LRP1B: variants seen among roughly 807,000 people sequenced by gnomAD.
LRP1B encodes low-density lipoprotein receptor-related protein 1B.
Under a neutral mutation model 556.6 loss-of-function variants are expected in LRP1B, and 217 were observed. The ratio of observed to expected loss-of-function variants is 0.39; its 90% CI spans 0.35 to 0.44. The LOEUF is 0.44. Among genes scored for constraint, LRP1B ranks in the 20% least tolerant of loss-of-function variants. The pLI is 1.00. For synonymous variants in LRP1B, 2,047 were observed against 1,865.8 expected, an observed-to-expected ratio of 1.10 and a Z score of -2.50; for missense variants, 5,053 against 5,620.8, an observed-to-expected ratio of 0.90 and a Z score of 3.23.
At chr2:141,279,860 T>C (rs1361127027) in intron 3 of LRP1B, among the ~76,000 whole-genome samples, 2 of 152,048 alleles carry the variant, frequency 1.3e-5, no homozygotes, top group African/African-American at 2.4e-5. Context: ...TCAAACATGT[T>C]GGTGAAGATA....
At chr2:140,638,102 G>T (rs1684134428) in intron 41 of LRP1B, among the ~76,000 whole-genome samples, 1 of 152,144 alleles carries the variant, frequency 6.6e-6, no homozygotes, top group African/African-American at 2.4e-5. Flanking sequence ...GCTAGTAGTG[G>T]ATATTCTTGA....
At chr2:142,082,884 G>A (rs1341875297) in intron 1 of LRP1B, among the ~76,000 whole-genome samples, 3 of 152,092 alleles carry the variant, frequency 2.0e-5, no homozygotes, top group Non-Finnish European at 4.4e-5. Context: ...TTTTGGATGG[G>A]CTTTTTTTTG....
At chr2:140,878,631 T>A (rs575180448) in intron 25 of LRP1B, among the ~76,000 whole-genome samples, 2 of 152,144 alleles carry the variant, frequency 1.3e-5, no homozygotes, top group African/African-American at 4.8e-5. Context: ...AATATTTAAA[T>A]AGAAAGAACA....
At chr2:142,041,608 A>T (rs974800963) in intron 1 of LRP1B, among the ~76,000 whole-genome samples, 1 of 151,468 alleles carries the variant, frequency 6.6e-6, no homozygotes, top group Non-Finnish European at 1.5e-5. Flanking sequence ...GTTATTTTTC[A>T]AGCACATATT....
At chr2:141,776,311 C>G (rs1179247493) in intron 2 of LRP1B, among the ~76,000 whole-genome samples, 3 of 152,134 alleles carry the variant, frequency 2.0e-5, no homozygotes, top group African/African-American at 4.8e-5. Flanking sequence ...TGAAGATGGG[C>G]AATTAACTTG....
At position 140,601,548 on chromosome 2, in the gene LRP1B, A is replaced by G. The variant is rs372628878; in HGVS notation, c.6891T>C (p.Thr2297=). 1.1e-4 allele frequency: 175 copies of G among 1,613,234 alleles called. No homozygotes were observed. In the Middle Eastern group the frequency reaches 3.3e-3, roughly 30 times the overall value. Residue 2297 remains threonine (T), a synonymous_variant, in exon 42 of 91, where the codon ACT becomes ACC. Transcript: ENST00000389484. ...ATGCTCCAGGCCGAGTCTGGTCCACAGTGTGTCTGGTGATGGATGAGGTGG... is the reference window on the plus strand; with the variant it reads ...ATGCTCCAGGCCGAGTCTGGTCCACGGTGTGTCTGGTGATGGATGAGGTGG... ...SSTTSSITRH[T]VDQTRPGAFD...
chr2:141,128,755 G>A (rs1191297664), intron 7 of LRP1B, among the ~76,000 whole-genome samples: 6 of 151,984 alleles, frequency 3.9e-5, no homozygotes, highest in Non-Finnish European at 7.4e-5. Context: ...CGAGTAGCTG[G>A]GATTACAGGC....
chr2:141,941,883 G>A (rs1461313404), intron 1 of LRP1B, among the ~76,000 whole-genome samples: 1 of 152,108 alleles, frequency 6.6e-6, no homozygotes, highest in African/African-American at 2.4e-5. Flanking sequence ...AAAATGATGA[G>A]TACCGTATAA....
At chr2:141,002,807 G>C (rs549546432) in intron 15 of LRP1B, among the ~76,000 whole-genome samples, 11 of 152,020 alleles carry the variant, frequency 7.2e-5, no homozygotes, top group African/African-American at 2.7e-4. Flanking sequence ...TAGTGAAACA[G>C]TGATCTAGGC....
chr2:141,061,935 A>C, intron 8 of LRP1B, 116 bp downstream of exon 8: 3 of 761,504 alleles, frequency 3.9e-6, no homozygotes, highest in South Asian at 1.6e-5. Context: ...AATATACTGT[A>C]ATTTTTATGA....
intron 84 of LRP1B, 144 bp downstream of exon 84, chr2:140,297,664 T>G: frequency 1.2e-6 from 1 of 843,146 alleles, no homozygotes; most frequent in Non-Finnish European, 1.9e-6. Context: ...AGGTGAAGAA[T>G]GGGTAAATAA....
intron 1 of LRP1B, among the ~76,000 whole-genome samples, chr2:142,093,644 A>G (rs1706255296): frequency 6.6e-6 from 1 of 152,088 alleles, no homozygotes; most frequent in African/African-American, 2.4e-5. Context: ...GATTTCCAAG[A>G]AAGTGTGCAT....
chr2:141,826,902 A>G (rs554962), intron 1 of LRP1B, among the ~76,000 whole-genome samples: 4,029 of 152,258 alleles, frequency 0.026, 171 homozygotes, highest in African/African-American at 0.092. Flanking sequence ...AATCTTTATC[A>G]GTCCAAGAGA....
chr2:140,725,964 A>T (rs1445332609), intron 35 of LRP1B, among the ~76,000 whole-genome samples: 2 of 152,184 alleles, frequency 1.3e-5, no homozygotes, highest in Non-Finnish European at 2.9e-5. Flanking sequence ...TACCCATTAG[A>T]ACTGCTTGAG....
Position 140,627,438 on chromosome 2 carries a change from GGTCTCCAAGTTCTT to G in LRP1B, c.6800-25813_6800-25800del, listed in dbSNP as rs1683704860. On this transcript the variant is annotated intron_variant, in intron 41 of 90. Transcript: ENST00000389484. ...TGAATGCTTCCTGCCCTCGAACATCGGTCTCCAAGTTCTTGTTCTTCAGCTTTTGGACTCTTGGA... is the reference window on the plus strand; with the variant it reads ...TGAATGCTTCCTGCCCTCGAACATCGGTTCTTCAGCTTTTGGACTCTTGGA... Among the ~76,000 whole-genome samples, 4 of 152,164 alleles carry G rather than the reference GGTCTCCAAGTTCTT, an allele frequency of 2.6e-5. No individual in the cohort carries two copies. In the South Asian group the frequency reaches 8.3e-4, roughly 32 times the overall value.
intron 78 of LRP1B, among the ~76,000 whole-genome samples, chr2:140,335,005 T>C (rs1573809347): frequency 6.6e-6 from 1 of 152,186 alleles, no homozygotes. Context: ...GAAGACTGCA[T>C]AATTCTAATA....
At chr2:141,594,126 A>C (rs987122046) in intron 2 of LRP1B, among the ~76,000 whole-genome samples, 13 of 152,122 alleles carry the variant, frequency 8.5e-5, no homozygotes, top group African/African-American at 3.1e-4. Context: ...AGTCCATAAG[A>C]GGCCCCAGAC....
At chr2:141,812,271 A>G (rs1696382360) in intron 1 of LRP1B, among the ~76,000 whole-genome samples, 1 of 152,144 alleles carries the variant, frequency 6.6e-6, no homozygotes, top group South Asian at 2.1e-4. Flanking sequence ...CATATAATTT[A>G]TCACCAAGCT....
intron 2 of LRP1B, among the ~76,000 whole-genome samples, chr2:141,807,746 G>T (rs1418920568): frequency 2.6e-5 from 4 of 152,054 alleles, no homozygotes; most frequent in Non-Finnish European, 4.4e-5. Context: ...CAAATTCAAG[G>T]TGGTATGTAC....
Sources: allele counts gnomAD v4.1 joint callset (sites outside exome capture counted in the v4.1 genomes callset), GRCh38; gene constraint gnomAD v4.1.1; transcripts MANE v1.5; gene names NCBI Gene and HGNC (gene_info 2026-07-23, HGNC 2026-07-21).